The following PRKG1 variants were observed in gnomAD, a reference collection of about 807,000 sequenced individuals.
The protein encoded by PRKG1 is cGMP-dependent protein kinase 1.
Under a neutral mutation model 88.1 loss-of-function variants are expected in PRKG1, and 35 were observed. The observed-to-expected ratio is 0.40, with a 90% CI of 0.30 to 0.53. The LOEUF is 0.53. Ranked by LOEUF, PRKG1 falls within the 20% of genes least tolerant of loss-of-function variation. The pLI is 0.59. For missense variants in PRKG1, 540 were observed against 839.8 expected (o/e 0.64, Z 4.41); for synonymous variants, 303 against 292.5 (o/e 1.04, Z -0.37).
chr10:51,699,965 C>T (rs2132411719), intron 3 of PRKG1, among the ~76,000 whole-genome samples: 1 of 152,356 alleles, frequency 6.6e-6, no homozygotes, highest in South Asian at 2.1e-4. Context: ...GGGAAACCGC[C>T]AACCGAAAGC....
intron 3 of PRKG1, among the ~76,000 whole-genome samples, chr10:51,623,607 T>C (rs1321996707): frequency 6.6e-6 from 1 of 152,158 alleles, no homozygotes; most frequent in African/African-American, 2.4e-5. Flanking sequence ...AATGGAATTA[T>C]AGTTCTTAAG....
chr10:51,550,682 A>T (rs1487791475), intron 3 of PRKG1, among the ~76,000 whole-genome samples: 1 of 151,996 alleles, frequency 6.6e-6, no homozygotes, highest in Non-Finnish European at 1.5e-5. Context: ...GATAGGTTCC[A>T]TGGCTTATAC....
chr10:52,280,708 A>G, intron 12 of PRKG1, 81 bp from the exon 13 acceptor site: 1 of 1,468,900 alleles, frequency 6.8e-7, no homozygotes, highest in East Asian at 2.3e-5. Context: ...AAAGGAATAT[A>G]GTGAAATGAG....
intron 3 of PRKG1, among the ~76,000 whole-genome samples, chr10:51,592,868 T>C (rs1174562131): frequency 1.3e-5 from 2 of 152,230 alleles, no homozygotes; most frequent in Non-Finnish European, 2.9e-5. Flanking sequence ...TCACAAGTAT[T>C]GACTAGTAAA....
chr10:51,562,995 G>A (rs1329382547), intron 3 of PRKG1, among the ~76,000 whole-genome samples: 1 of 151,762 alleles, frequency 6.6e-6, no homozygotes, highest in Non-Finnish European at 1.5e-5. Flanking sequence ...GCCCAGGCTG[G>A]TCTCTAACTC....
At chr10:52,120,649 A>G (rs1285498202) in intron 7 of PRKG1, among the ~76,000 whole-genome samples, 1 of 152,176 alleles carries the variant, frequency 6.6e-6, no homozygotes, top group Non-Finnish European at 1.5e-5. Context: ...TCTTCAGAAC[A>G]ATCTTCTTTG....
At chr10:51,406,046 C>A (rs1270975759) in intron 2 of PRKG1, among the ~76,000 whole-genome samples, 1 of 152,120 alleles carries the variant, frequency 6.6e-6, no homozygotes, top group African/African-American at 2.4e-5. Flanking sequence ...AGGATTCTAC[C>A]TCTCTGCCTT....
chr10:51,012,992 G>C (rs541421158), intron 1 of PRKG1, among the ~76,000 whole-genome samples: 1 of 152,326 alleles, frequency 6.6e-6, no homozygotes, highest in East Asian at 1.9e-4. Flanking sequence ...CGGCATGTTT[G>C]AGGTCCAGAA....
At chr10:51,815,633 T>A (rs1328259299) in intron 4 of PRKG1, among the ~76,000 whole-genome samples, 1 of 152,182 alleles carries the variant, frequency 6.6e-6, no homozygotes, top group African/African-American at 2.4e-5. Context: ...GTTTGTCAGT[T>A]TAAAAAAAGC....
At chr10:51,028,020 G>A (rs1008019182) in intron 1 of PRKG1, among the ~76,000 whole-genome samples, 1 of 152,100 alleles carries the variant, frequency 6.6e-6, no homozygotes, top group Non-Finnish European at 1.5e-5. Flanking sequence ...ACTGAGGCAG[G>A]GCTGAGACAA....
chr10:52,097,022 G>T (rs1340592209), intron 7 of PRKG1, among the ~76,000 whole-genome samples: 1 of 151,512 alleles, frequency 6.6e-6, no homozygotes, highest in Non-Finnish European at 1.5e-5. Context: ...ATATTCCATG[G>T]ATTAGAAAGT....
At chr10:51,641,301 C>A (rs1839794749) in intron 3 of PRKG1, among the ~76,000 whole-genome samples, 1 of 152,096 alleles carries the variant, frequency 6.6e-6, no homozygotes, top group Non-Finnish European at 1.5e-5. Context: ...TGTCCTGAGT[C>A]CCTGCTTCTT....
chr10:51,434,973 A>G (rs1307963351), intron 2 of PRKG1, among the ~76,000 whole-genome samples: 1 of 152,116 alleles, frequency 6.6e-6, no homozygotes, highest in Non-Finnish European at 1.5e-5. Context: ...TCAGCATGAA[A>G]TTGTAATATT....
At chr10:51,218,090 G>A (rs957608989) in intron 2 of PRKG1, among the ~76,000 whole-genome samples, 2 of 152,014 alleles carry the variant, frequency 1.3e-5, no homozygotes, top group Admixed American at 1.3e-4. Context: ...GTCGTTAACT[G>A]TTATTTAACA....
At chr10:51,853,092 A>G (rs1456955994) in intron 4 of PRKG1, among the ~76,000 whole-genome samples, 5 of 152,204 alleles carry the variant, frequency 3.3e-5, no homozygotes, top group Non-Finnish European at 7.3e-5. Flanking sequence ...AGTAAGGGCT[A>G]GTGATATCTG....
At chr10:51,814,310 A>G (rs1242571526) in intron 4 of PRKG1, among the ~76,000 whole-genome samples, 3 of 152,238 alleles carry the variant, frequency 2.0e-5, no homozygotes, top group South Asian at 4.1e-4. Context: ...ATCAGTTTGT[A>G]GAGATCACAA....
Position 52,293,570 on chromosome 10 carries a change from T to C in PRKG1, c.1963-232T>C, listed in dbSNP as rs561164479. On this transcript the variant is annotated intron_variant, in intron 17 of 17. Transcript: ENST00000373980. The stretch of plus-strand genomic sequence containing the variant: ...CAAAGTTTATTATATAGAAAGATTT[T>C]AGTGATTATTTGTTTTAATCATACA... 2.0e-5 allele frequency among the ~76,000 whole-genome samples: 3 copies of C among 152,252 alleles called. No homozygotes were observed. The East Asian group carries it at 5.8e-4, about 29-fold the overall frequency.
intron 3 of PRKG1, among the ~76,000 whole-genome samples, chr10:51,578,015 C>T (rs1418636309): frequency 6.6e-6 from 1 of 152,068 alleles, no homozygotes; most frequent in Non-Finnish European, 1.5e-5. Flanking sequence ...TTAGGATTCT[C>T]TAATCATGTT....
At chr10:51,756,950 T>A (rs1430724568) in intron 3 of PRKG1, among the ~76,000 whole-genome samples, 1 of 152,116 alleles carries the variant, frequency 6.6e-6, no homozygotes, top group East Asian at 1.9e-4. Context: ...CTTGTGTTGG[T>A]CCTTGAAGGA....
Sources: gnomAD v4.1 joint callset for allele counts (sites outside exome capture counted in the v4.1 genomes callset) on GRCh38, gnomAD v4.1.1 for gene constraint, MANE v1.5 for transcripts, NCBI Gene and HGNC (gene_info 2026-07-23, HGNC 2026-07-21) for gene names.